DUSP4: variants seen among roughly 807,000 people sequenced by gnomAD.
DUSP4 encodes dual specificity phosphatase 4, also known as dual specificity protein phosphatase 4.
DUSP4 carries 12 observed loss-of-function variants against 27.2 expected under a neutral mutation model. The ratio of observed to expected loss-of-function variants is 0.44; its 90% CI spans 0.28 to 0.71. The LOEUF (loss-of-function observed/expected upper bound fraction) is 0.71, where lower values mean the gene tolerates loss of function less well. Among genes scored for constraint, DUSP4 ranks in the 30% least tolerant of loss-of-function variants. The probability of loss-of-function intolerance (pLI) is 0.14; values close to 1 mark genes in which losing one functional copy is unlikely to be tolerated. For missense variants in DUSP4, 448 were observed against 551.3 expected, an observed-to-expected ratio of 0.81 and a Z score of 1.88; for synonymous variants, 257 against 245.2, an observed-to-expected ratio of 1.05 and a Z score of -0.45.
chr8:29,338,295 G>T lies in DUSP4; in HGVS notation c.786C>A (p.Ala262=), dbSNP rs1817607049. ...KADISSWFME[A]IEYIDAVKDC... ...GGGCCAGCCTACCGATGTACTCTAT[G>T]GCTTCCATGAACCAGGAGCTGATGT... Residue 262 remains alanine (A), a synonymous_variant, in exon 3 of 4, where the codon GCC becomes GCA. Transcript: ENST00000240100. The T allele has an allele frequency of 6.9e-6, 11 of 1,599,424 alleles. No homozygotes were observed. Among genetic ancestry groups the T allele is most frequent in the Non-Finnish European group, 8.5e-6 (10 of 1,171,216 alleles).
chr8:29,345,616 A>T, intron 1 of DUSP4: 1 of 1,486,502 alleles, frequency 6.7e-7, no homozygotes, highest in South Asian at 1.4e-5. Context: ...TTTTCAAGGA[A>T]TTTCTTGGCT....
rs1372501654 is a variant in DUSP4, at chr8:29,349,735, C to G, written c.433+111G>C. The G allele has an allele frequency of 5.2e-6, 7 of 1,354,704 alleles. No individual in the cohort carries two copies. In the African/African-American group the frequency reaches 7.5e-5, roughly 14 times the overall value. The allele number at this position is 1,354,704 out of a possible 1,614,324, so 83.9% of individuals were successfully genotyped here. On this transcript the variant is annotated intron_variant, in intron 1 of 3. Coordinates refer to ENST00000240100, the MANE Select transcript of DUSP4 (RefSeq NM_001394.7). ...CACACACAAAGGGGCGCGCGGGGAT[C>G]CCCGCAACCACGAATCACGCCGGGG...
In DUSP4 at chr8:29,338,422, A is replaced by G. The variant is rs1817609474; in HGVS notation, c.659T>C (p.Leu220Pro). ...GACATTCAACAGAGCCGTGATGCCC[A>G]GGGCGTCCAGCATGTCTCTCCGGGC... ...HAARRDMLDA[L>P]GITALLNVSS... is the part of the protein sequence containing the mutation. Residue 220 changes from leucine to proline, a missense_variant, in exon 3 of 4, where the codon CTG (leucine) becomes CCG (proline). By Grantham distance (98) the Leu-to-Pro change is moderately conservative. Around this residue, in one of 3 missense-constraint regions of DUSP4, gnomAD observed 345 missense variants for 394.0 expected, o/e 0.88. Transcript: ENST00000240100. 10 of 1,614,152 alleles carry G rather than the reference A, an allele frequency of 6.2e-6. No homozygotes were observed. Among genetic ancestry groups the G allele is most frequent in the Non-Finnish European group, 7.6e-6 (9 of 1,180,032 alleles).
intron 2 of DUSP4, among the ~76,000 whole-genome samples, chr8:29,339,757 A>G (rs1453429485): frequency 1.3e-5 from 2 of 151,348 alleles, no homozygotes; most frequent in Non-Finnish European, 2.9e-5. Context: ...TGATCCCAAC[A>G]CTTTGGGAGG....
intron 1 of DUSP4, among the ~76,000 whole-genome samples, chr8:29,341,799 A>T (rs1262884018): frequency 1.3e-5 from 2 of 152,212 alleles, no homozygotes; most frequent in African/African-American, 4.8e-5. Flanking sequence ...CTGCAGCTGA[A>T]GTCCTTCAGG....
At position 29,336,907 on chromosome 8, in the gene DUSP4, T is replaced by G. The variant is rs1249521104; in HGVS notation, c.*119A>C. On this transcript the variant is annotated 3_prime_UTR_variant, in exon 4 of 4. Transcript: ENST00000240100. ...GGCCTCGTCGTTGGCCAAGGAGAAATGATGGGGAAGGAGCTCGGTCGCCTG... is the reference window on the plus strand; with the variant it reads ...GGCCTCGTCGTTGGCCAAGGAGAAAGGATGGGGAAGGAGCTCGGTCGCCTG... The G allele has an allele frequency of 6.5e-6, 9 of 1,393,156 alleles. No individual in the cohort carries two copies. The African/African-American group carries it at 1.3e-4, about 20-fold the overall frequency. The allele number at this position is 1,393,156 out of a possible 1,614,324, so 86.3% of individuals were successfully genotyped here.
Position 29,344,688 on chromosome 8 carries a change from C to T in DUSP4, c.434-4445G>A, listed in dbSNP as rs116063257. ...CCCTCATTAGAAGCCCTCCACCACA[C>T]TCCCCCGTCCCTTGCAGGAGTAGGA... On this transcript the variant is annotated intron_variant, in intron 1 of 3. Transcript: ENST00000240100. Among the ~76,000 whole-genome samples the T allele has an allele frequency of 1.6e-3, 247 of 152,322 alleles. 2 individuals are homozygous for T. The highest frequency in any genetic ancestry group is 5.7e-3 in the African/African-American group (236 of 41,572).
chr8:29,340,224 G>A lies in DUSP4; in HGVS notation c.453C>T (p.Ser151=). The part of the protein sequence containing the change: ...CLLKGGYERF[S]SEYPEFCSKT... ...TAGAACAGAATTCTGGGTACTCGGA[G>A]GAAAACCTCTCATAGCCGCCTGTAA... Residue 151 remains serine, a synonymous_variant, in exon 2 of 4, where the codon TCC becomes TCT. Coordinates refer to ENST00000240100, the MANE Select transcript of DUSP4 (RefSeq NM_001394.7). 6.2e-7 allele frequency: 1 copy of A among 1,612,402 alleles called. No individual in the cohort carries two copies. The highest frequency in any genetic ancestry group is 1.7e-5 in the Admixed American group (1 of 59,798).
chr8:29,340,436 C>A (rs988662074), intron 1 of DUSP4, among the ~76,000 whole-genome samples, 193 bp from the exon 2 acceptor site: 31 of 152,100 alleles, frequency 2.0e-4, no homozygotes, highest in Non-Finnish European at 1.5e-5. Flanking sequence ...AGGACACACT[C>A]GTCAGGACTG....
At chr8:29,338,745 G>C (rs1319771034) in intron 2 of DUSP4, among the ~76,000 whole-genome samples, 2 of 152,208 alleles carry the variant, frequency 1.3e-5, no homozygotes, top group South Asian at 2.1e-4. Flanking sequence ...GTAAAGTCTT[G>C]TGGGACTCTC....
At chr8:29,348,918 C>T (rs568915728) in intron 1 of DUSP4, 3 of 378,506 alleles carry the variant, frequency 7.9e-6, no homozygotes, top group East Asian at 3.4e-4. Flanking sequence ...GCGCCCTGCC[C>T]GCTCCCTAGC....
intron 1 of DUSP4, chr8:29,348,286 T>C (rs7831728): frequency 0.14 from 142,166 of 985,400 alleles, 11,750 homozygotes; most frequent in African/African-American, 0.34. Context: ...CCCTCATCTC[T>C]CCCACCAGCG....
chr8:29,347,486 TG>T (rs956818827), intron 1 of DUSP4, among the ~76,000 whole-genome samples: 1 of 152,222 alleles, frequency 6.6e-6, no homozygotes, highest in African/African-American at 2.4e-5. Flanking sequence ...CAGAGCAGGC[TG>T]GAAGATTCCC....
At chr8:29,348,031 T>C in intron 1 of DUSP4, 1 of 985,566 alleles carries the variant, frequency 1.0e-6, no homozygotes, top group Non-Finnish European at 1.2e-6. Flanking sequence ...GAGCTGCCGC[T>C]CTAGGGCGGT....
At chr8:29,348,170 A>C (rs1817762619) in intron 1 of DUSP4, 1 of 985,572 alleles carries the variant, frequency 1.0e-6, no homozygotes, top group Non-Finnish European at 1.2e-6. Flanking sequence ...CCAGCGAAGG[A>C]AGGCGCGCCC....
chr8:29,345,705 A>G, intron 1 of DUSP4: 1 of 1,396,650 alleles, frequency 7.2e-7, no homozygotes, highest in Non-Finnish European at 9.2e-7. Flanking sequence ...CCTCTCCTAT[A>G]AGCACCCAGG....
intron 1 of DUSP4, chr8:29,348,842 A>T: frequency 1.0e-6 from 1 of 979,182 alleles, no homozygotes; most frequent in Non-Finnish European, 1.2e-6. Flanking sequence ...ACCCGCGCGG[A>T]AGAATGCGCG....
chr8:29,337,482 C>G lies in DUSP4; in HGVS notation c.800-71G>C, dbSNP rs1817596637. ...AGCCCCGACCAGGGGCACCGGCCAG[C>G]CCCTGGGGTCGGGGGGCTCTGAAGG... On this transcript the variant is annotated intron_variant, in intron 3 of 3. Coordinates refer to ENST00000240100, the MANE Select transcript of DUSP4 (RefSeq NM_001394.7). This position sits in a 1 kb window ranked among gnomAD's most constrained non-coding sequence, Gnocchi z 6.4. 1 of 1,515,274 alleles carries G rather than the reference C, an allele frequency of 6.6e-7. No homozygotes were observed. The highest frequency in any genetic ancestry group is 8.8e-7 in the Non-Finnish European group (1 of 1,139,576). 93.9% of individuals were successfully genotyped at this position (1,515,274 alleles called of 1,614,324 possible).
chr8:29,345,675 A>G, intron 1 of DUSP4: 1 of 1,426,878 alleles, frequency 7.0e-7, no homozygotes, highest in Non-Finnish European at 9.1e-7. Flanking sequence ...TGAGCAGTCC[A>G]TTTTTGTGGG....
Sources: allele counts gnomAD v4.1 joint callset (sites outside exome capture counted in the v4.1 genomes callset), GRCh38; gene constraint gnomAD v4.1.1; regional missense constraint gnomAD v4.1.1; non-coding constraint Gnocchi (gnomAD v3.1); transcripts MANE v1.5; gene names NCBI Gene and HGNC (gene_info 2026-07-23, HGNC 2026-07-21).